Variants in C16orf92 observed in about 807,000 individuals in gnomAD.
The protein encoded by C16orf92 is fertilization-influencing membrane protein.
C16orf92 carries 14 observed loss-of-function variants against 13.7 expected under a neutral mutation model. The observed-to-expected ratio is 1.02, with a 90% CI of 0.67 to 1.60. The LOEUF is 1.60. C16orf92 is among the 40% of genes most tolerant of loss of function. C16orf92 has a pLI of 0.00. For missense variants in C16orf92, 116 were observed against 139.0 expected, an observed-to-expected ratio of 0.83 and a Z score of 0.83; for synonymous variants, 50 against 57.4, an observed-to-expected ratio of 0.87 and a Z score of 0.58.
At chr16:30,023,667 C>T (rs1028613309) in intron 1 of C16orf92, 60 bp from the exon 2 acceptor site, 9 of 1,613,852 alleles carry the variant, frequency 5.6e-6, no homozygotes, top group Non-Finnish European at 2.5e-6. Context: ...CAGCTTCCGC[C>T]TCGAGAGATA....
chr16:30,025,287 G>A (rs1245840777), downstream of C16orf92: 4 of 1,549,666 alleles, frequency 2.6e-6, no homozygotes, highest in Non-Finnish European at 1.7e-6. This position sits in a 1 kb window ranked among gnomAD's most constrained non-coding sequence, Gnocchi z 4.1. Context: ...GGGGCCAGGA[G>A]CAGCGCAGCG....
chr16:30,023,634 G>A, intron 1 of C16orf92, 93 bp from the exon 2 acceptor site: 1 of 1,601,300 alleles, frequency 6.2e-7, no homozygotes, highest in Non-Finnish European at 8.6e-7. Flanking sequence ...AATAAGGCTG[G>A]GTGGTCTCAC....
At chr16:30,025,460 T>C (rs552445946), downstream of C16orf92, 3 of 1,612,070 alleles carry the variant, frequency 1.9e-6, no homozygotes, top group Admixed American at 3.3e-5. The surrounding 1 kb of genome is among the most constrained non-coding windows in gnomAD (Gnocchi z 4.1). Flanking sequence ...TGTGTGCTGC[T>C]GCTTGTACTG....
At position 30,024,373 on chromosome 16, in the gene C16orf92, GC is replaced by G; in HGVS notation, c.*152del. The G allele has an allele frequency of 8.9e-7, 1 of 1,119,166 alleles. No homozygotes were observed. The highest frequency in any genetic ancestry group is 1.6e-5 in the African/African-American group (1 of 63,284). 69.3% of individuals were successfully genotyped at this position (1,119,166 alleles called of 1,614,324 possible). ...GTCCCCTCTGTTTCCCATGGCCCAA[GC>G]CCCCCACCTCCTCCCTTCCCAGCCC... is the stretch of plus-strand genomic sequence containing the variant. On this transcript the variant is annotated 3_prime_UTR_variant, in exon 4 of 4. Coordinates refer to ENST00000681219, the MANE Select transcript of C16orf92 (RefSeq NM_001109659.2).
chr16:30,023,688 T>C, intron 1 of C16orf92, 39 bp from the exon 2 acceptor site: 2 of 1,613,910 alleles, frequency 1.2e-6, no homozygotes, highest in Non-Finnish European at 1.7e-6. Flanking sequence ...AAGGCAGGGG[T>C]CAGCTTGGCT....
rs2070986450 is a variant in C16orf92, at chr16:30,024,272, ACCT to A, written c.*50_*52del. 3 of 1,598,982 alleles carry A rather than the reference ACCT, an allele frequency of 1.9e-6. No individual in the cohort carries two copies. The African/African-American group carries it at 4.0e-5, about 22-fold the overall frequency. On this transcript the variant is annotated 3_prime_UTR_variant, in exon 4 of 4. Coordinates refer to ENST00000681219, the MANE Select transcript of C16orf92 (RefSeq NM_001109659.2). ...GGACTCAACCTGAGCACCCACACCC[ACCT>A]CCTCTCCTGTTGATGAGCAAAAGTT...
chr16:30,025,665 A>AGG, downstream of C16orf92: 2 of 1,562,802 alleles, frequency 1.3e-6, no homozygotes, highest in Non-Finnish European at 1.8e-6. This position sits in a 1 kb window ranked among gnomAD's most constrained non-coding sequence, Gnocchi z 4.1. Flanking sequence ...GCAACCTTGA[A>AGG]GGTCCCTCCC....
chr16:30,024,229 G>T lies in C16orf92; in HGVS notation c.*2G>T. 1 of 1,613,976 alleles carries T rather than the reference G, an allele frequency of 6.2e-7. No homozygotes were observed. Among genetic ancestry groups the T allele is most frequent in the Non-Finnish European group, 8.5e-7 (1 of 1,179,904 alleles). On this transcript the variant is annotated 3_prime_UTR_variant, in exon 4 of 4. Transcript: ENST00000681219. ...AGAAACTTCCAGAAAGGGGCCTAAA[G>T]AGCCGGACAAGGGCTCTGGACTCAA...
downstream of C16orf92, chr16:30,026,908 A>T: frequency 1.4e-6 from 2 of 1,384,352 alleles, no homozygotes; most frequent in South Asian, 2.4e-5. Flanking sequence ...TTGGGGTCAG[A>T]TCTCAGGGGT....
chr16:30,026,725 C>T (rs568267337), downstream of C16orf92: 48 of 1,614,062 alleles, frequency 3.0e-5, no homozygotes, highest in East Asian at 5.1e-4. Context: ...CTGGCCGCTC[C>T]GTCGTCCCCT....
At chr16:30,025,599 G>T, downstream of C16orf92, 1 of 1,486,040 alleles carries the variant, frequency 6.7e-7, no homozygotes, top group Non-Finnish European at 9.4e-7. The surrounding 1 kb of genome is among the most constrained non-coding windows in gnomAD (Gnocchi z 4.1). Context: ...CAAGCACCAG[G>T]TGCTCAAAAT....
rs756953205 is a variant in C16orf92, at chr16:30,023,359, G to GTAC, written c.20_21insACT (p.Leu8dup). On this transcript the variant is annotated inframe_insertion, in exon 1 of 4. Transcript: ENST00000681219. ...AGGAGTCATGAGGCTGTGGCCATGG[G>GTAC]TGCTGGTGTGGGTGTGGCTGGCTGC... 1 of 1,608,904 alleles carries GTAC rather than the reference G, an allele frequency of 6.2e-7. No individual in the cohort carries two copies. Among genetic ancestry groups the GTAC allele is most frequent in the South Asian group, 1.1e-5 (1 of 89,768 alleles).
downstream of C16orf92, chr16:30,025,651 G>T: frequency 6.6e-7 from 1 of 1,525,748 alleles, no homozygotes; most frequent in East Asian, 2.2e-5. This position sits in a 1 kb window ranked among gnomAD's most constrained non-coding sequence, Gnocchi z 4.1. Flanking sequence ...TAGAGCCCTT[G>T]GCAGCAACCT....
downstream of C16orf92, chr16:30,025,292 G>A (rs532333734): frequency 2.1e-5 from 32 of 1,552,762 alleles, no homozygotes; most frequent in East Asian, 7.3e-5. This position sits in a 1 kb window ranked among gnomAD's most constrained non-coding sequence, Gnocchi z 4.1. Context: ...CAGGAGCAGC[G>A]CAGCGCCCAG....
downstream of C16orf92, chr16:30,027,242 C>T (rs181127003): frequency 2.6e-5 from 12 of 452,852 alleles, no homozygotes; most frequent in Admixed American, 2.4e-4. Flanking sequence ...GCTGAAGGGG[C>T]GAGAGTGCTG....
chr16:30,027,136 G>T (rs1220502603), downstream of C16orf92: 2 of 524,094 alleles, frequency 3.8e-6, no homozygotes, highest in Non-Finnish European at 7.4e-6. Context: ...AGACCAAAAG[G>T]CACAGATACA....
intron 1 of C16orf92, 98 bp from the exon 2 acceptor site, chr16:30,023,629 G>T (rs1458776068): frequency 1.5e-5 from 24 of 1,597,118 alleles, no homozygotes; most frequent in Non-Finnish European, 2.1e-5. Flanking sequence ...TCTGCAATAA[G>T]GCTGGGTGGT....
chr16:30,024,457 G>T lies in C16orf92; in HGVS notation c.*230G>T. Reference sequence around the variant, plus strand: ...TTCACGCAGATCGTCTTTTATTAGCGGTCTGTAAAGCACCTCCCAGGGTCC... The same window carrying T: ...TTCACGCAGATCGTCTTTTATTAGCTGTCTGTAAAGCACCTCCCAGGGTCC... On this transcript the variant is annotated 3_prime_UTR_variant, in exon 4 of 4. Coordinates refer to ENST00000681219, the MANE Select transcript of C16orf92 (RefSeq NM_001109659.2). 1.6e-6 allele frequency: 1 copy of T among 624,234 alleles called. No individual in the cohort carries two copies. The highest frequency in any genetic ancestry group is 2.8e-5 in the East Asian group (1 of 35,950). 38.7% of individuals were successfully genotyped at this position (624,234 alleles called of 1,614,324 possible). A position where few individuals can be genotyped will look rare whatever the true frequency, so the allele number is the denominator to read the frequency against.
downstream of C16orf92, chr16:30,026,977 TAG>T: frequency 1.3e-6 from 1 of 767,648 alleles, no homozygotes; most frequent in South Asian, 1.5e-5. Flanking sequence ...ATCCAGAGGG[TAG>T]AGGGTGAGAA....
Sources: gnomAD v4.1 joint callset for allele counts on GRCh38, gnomAD v4.1.1 for gene constraint, Gnocchi (gnomAD v3.1) non-coding constraint, MANE v1.5 for transcripts, NCBI Gene and HGNC (gene_info 2026-07-23, HGNC 2026-07-21) for gene names.